RIC8B: variants seen among roughly 807,000 people sequenced by gnomAD.
RIC8B encodes chaperone Ric-8B.
Under a neutral mutation model 57.5 loss-of-function variants are expected in RIC8B, and 16 were observed. The observed-to-expected ratio is 0.28, with a 90% CI of 0.19 to 0.42. RIC8B has a LOEUF of 0.42. RIC8B is among the 10% of genes least tolerant of loss of function. The probability of loss-of-function intolerance (pLI) is 1.00; values close to 1 mark genes in which losing one functional copy is unlikely to be tolerated. For missense variants in RIC8B, 481 were observed against 677.0 expected (o/e 0.71, Z 3.21); for synonymous variants, 216 against 250.8 (o/e 0.86, Z 1.31).
intron 9 of RIC8B, chr12:106,871,470 C>CAAAAA (rs1950400184): frequency 2.4e-5 from 1 of 42,204 alleles, no homozygotes; most frequent in African/African-American, 9.2e-5. Flanking sequence ...ATTAGGAGTT[C>CAAAAA]TAAAAAAAAA....
intron 4 of RIC8B, among the ~76,000 whole-genome samples, chr12:106,826,244 C>T (rs1049625753): frequency 1.3e-5 from 2 of 152,110 alleles, no homozygotes; most frequent in Non-Finnish European, 2.9e-5. Flanking sequence ...GTTGAGGAAA[C>T]TGATGCATAG....
intron 6 of RIC8B, among the ~76,000 whole-genome samples, chr12:106,845,868 A>T (rs961558093): frequency 3.9e-5 from 6 of 152,174 alleles, no homozygotes; most frequent in Non-Finnish European, 7.4e-5. Context: ...GCCAAAGCTA[A>T]TAGTTCTCAA....
chr12:106,792,675 C>T (rs2044308529), intron 2 of RIC8B, among the ~76,000 whole-genome samples: 1 of 152,182 alleles, frequency 6.6e-6, no homozygotes, highest in Admixed American at 6.6e-5. Context: ...CTGTGTCTCA[C>T]TCTTGTAATC....
intron 4 of RIC8B, among the ~76,000 whole-genome samples, chr12:106,841,361 T>C (rs1471235240): frequency 6.6e-6 from 1 of 152,232 alleles, no homozygotes; most frequent in Non-Finnish European, 1.5e-5. Context: ...TGGTTTTTAT[T>C]TTTCCATAAT....
chr12:106,863,780 T>C (rs929900275), intron 8 of RIC8B, among the ~76,000 whole-genome samples: 6 of 152,132 alleles, frequency 3.9e-5, no homozygotes, highest in Non-Finnish European at 8.8e-5. Flanking sequence ...TGAGTTTTGC[T>C]CCAGTGTTTA....
At chr12:106,777,767 C>T (rs979612034) in intron 1 of RIC8B, among the ~76,000 whole-genome samples, 1 of 152,124 alleles carries the variant, frequency 6.6e-6, no homozygotes, top group African/African-American at 2.4e-5. Context: ...ATAATATCAC[C>T]ATTCTCTTAA....
chr12:106,858,365 A>G (rs1332611777), intron 7 of RIC8B, among the ~76,000 whole-genome samples: 1 of 152,156 alleles, frequency 6.6e-6, no homozygotes, highest in East Asian at 1.9e-4. Flanking sequence ...ATCACCTACT[A>G]TCTGTAAGTT....
chr12:106,878,190 C>T (rs1005193497), intron 9 of RIC8B, among the ~76,000 whole-genome samples: 1 of 152,022 alleles, frequency 6.6e-6, no homozygotes, highest in African/African-American at 2.4e-5. Flanking sequence ...AATGAAAGAT[C>T]GGTGTAACCA....
chr12:106,782,661 C>CA (rs2043817149), intron 1 of RIC8B, among the ~76,000 whole-genome samples: 1 of 152,062 alleles, frequency 6.6e-6, no homozygotes, highest in Non-Finnish European at 1.5e-5. Flanking sequence ...CTCCCTCCCT[C>CA]AAATGGCCAC....
Position 106,775,711 on chromosome 12 carries a change from T to G in RIC8B, c.84+882T>G, listed in dbSNP as rs73395401. Among the ~76,000 whole-genome samples, 132 of 152,342 alleles carry G rather than the reference T, an allele frequency of 8.7e-4. 2 individuals carry two copies. Among genetic ancestry groups the G allele is most frequent in the African/African-American group, 2.8e-3 (115 of 41,580 alleles). ...CCAAGAACCGTTAGCTCTTCATTAC[T>G]TTTCCTTCCAGGAATTTTACATGCT... is the stretch of plus-strand genomic sequence containing the variant. On this transcript the variant is annotated intron_variant, in intron 1 of 9. Transcript: ENST00000392837.
chr12:106,775,740 T>G (rs1250308791), intron 1 of RIC8B, among the ~76,000 whole-genome samples: 1 of 152,248 alleles, frequency 6.6e-6, no homozygotes, highest in Admixed American at 6.5e-5. Context: ...ACATGCTCAC[T>G]TCAAAAGATA....
intron 1 of RIC8B, among the ~76,000 whole-genome samples, chr12:106,779,495 G>A (rs2043649751): frequency 2.0e-5 from 3 of 151,982 alleles, no homozygotes; most frequent in Admixed American, 2.0e-4. Flanking sequence ...GCCTCCCAAA[G>A]TGCTCTGATT....
Position 106,879,528 on chromosome 12 carries a change from T to A in RIC8B, c.1572-6376T>A, listed in dbSNP as rs1950825921. 1.0e-6 allele frequency: 1 copy of A among 984,776 alleles called. No individual in the cohort carries two copies. 61.0% of individuals were successfully genotyped at this position (984,776 alleles called of 1,614,324 possible). Reference sequence around the variant, plus strand: ...GGTGGCTCAGGAAAATGTTAAAATATATCTGGAAAAAAAAAACAGACCAGA... The same window carrying A: ...GGTGGCTCAGGAAAATGTTAAAATAAATCTGGAAAAAAAAAACAGACCAGA... On this transcript the variant is annotated intron_variant, in intron 9 of 9. Transcript: ENST00000392837. This position sits in a 1 kb window ranked among gnomAD's most constrained non-coding sequence, Gnocchi z 4.9.
At chr12:106,863,416 A>G (rs553661508) in intron 8 of RIC8B, among the ~76,000 whole-genome samples, 30 of 152,156 alleles carry the variant, frequency 2.0e-4, no homozygotes, top group Non-Finnish European at 3.1e-4. Context: ...AGCTGTAGCT[A>G]TGCCACCAGC....
chr12:106,832,582 T>C (rs568411205), intron 4 of RIC8B, among the ~76,000 whole-genome samples: 1 of 143,114 alleles, frequency 7.0e-6, no homozygotes, highest in Non-Finnish European at 1.5e-5. Flanking sequence ...AAAAAAAAAA[T>C]TTATGCTTAA....
At chr12:106,855,856 T>C (rs140595720) in intron 7 of RIC8B, among the ~76,000 whole-genome samples, 79 of 152,294 alleles carry the variant, frequency 5.2e-4, no homozygotes, top group African/African-American at 1.6e-3. Context: ...CCCGGTCATA[T>C]TTATCTACTT....
At chr12:106,837,103 C>A (rs1389339228) in intron 4 of RIC8B, among the ~76,000 whole-genome samples, 1 of 152,232 alleles carries the variant, frequency 6.6e-6, no homozygotes, top group Non-Finnish European at 1.5e-5. Flanking sequence ...GTGGCGCACA[C>A]CTGTAATCCC....
intron 4 of RIC8B, among the ~76,000 whole-genome samples, chr12:106,833,631 A>C (rs113761212): frequency 6.6e-5 from 10 of 152,150 alleles, no homozygotes; most frequent in Non-Finnish European, 1.3e-4. Context: ...ATCAAATAGC[A>C]GAAGTTTTTC....
chr12:106,879,651 G>T lies in RIC8B; in HGVS notation c.1572-6253G>T, dbSNP rs1299871611. ...TTAGCAGTCCCAAGGGTTAGGCTGG[G>T]GCAAAATAGGGTTTCCTTTCTTGGA... is the stretch of plus-strand genomic sequence containing the variant. On this transcript the variant is annotated intron_variant, in intron 9 of 9. Transcript: ENST00000392837. The surrounding 1 kb of genome is among the most constrained non-coding windows in gnomAD (Gnocchi z 4.9). 1.0e-6 allele frequency: 1 copy of T among 985,278 alleles called. No individual in the cohort carries two copies. The highest frequency in any genetic ancestry group is 1.2e-6 in the Non-Finnish European group (1 of 829,936). The allele number at this position is 985,278 out of a possible 1,614,324, so 61.0% of individuals were successfully genotyped here.
Sources: allele counts gnomAD v4.1 joint callset (sites outside exome capture counted in the v4.1 genomes callset), GRCh38; gene constraint gnomAD v4.1.1; non-coding constraint Gnocchi (gnomAD v3.1); transcripts MANE v1.5; gene names NCBI Gene and HGNC (gene_info 2026-07-23, HGNC 2026-07-21).